SDHB: variants seen among roughly 807,000 people sequenced by gnomAD.
SDHB encodes the protein succinate dehydrogenase [ubiquinone] iron-sulfur subunit, mitochondrial.
A neutral mutation model predicts 39.7 loss-of-function variants in SDHB; 21 were observed. That is an observed-to-expected ratio of 0.53 (90% CI 0.37 to 0.76). The LOEUF is 0.76. Among genes scored for constraint, SDHB ranks in the 30% least tolerant of loss-of-function variants. The probability of loss-of-function intolerance (pLI) is 0.00; values close to 1 mark genes in which losing one functional copy is unlikely to be tolerated. For missense variants in SDHB, 343 were observed against 350.9 expected (o/e 0.98, Z 0.18); for synonymous variants, 118 against 117.0 (o/e 1.01, Z -0.06).
In SDHB at chr1:17,033,043, A is replaced by G. The variant is rs928500474; in HGVS notation, c.286+17T>C. ...AGACCACAAGTATCTGGAGCCCAAC[A>G]GGAATGAAATGCTCACCTTCTCTGC... is the stretch of plus-strand genomic sequence containing the variant. On this transcript the variant is annotated intron_variant, in intron 3 of 7. Transcript: ENST00000375499. The G allele has an allele frequency of 6.2e-7, 1 of 1,600,270 alleles. No homozygotes were observed. The highest frequency in any genetic ancestry group is 8.6e-7 in the Non-Finnish European group (1 of 1,167,486).
Position 17,018,738 on chromosome 1 carries a change from A to G in SDHB, c.*143T>C, listed in dbSNP as rs201524374. 14 of 660,544 alleles carry G rather than the reference A, an allele frequency of 2.1e-5. No individual in the cohort carries two copies. The highest frequency in any genetic ancestry group is 9.2e-5 in the African/African-American group (5 of 54,126). 40.9% of individuals were successfully genotyped at this position (660,544 alleles called of 1,614,324 possible). On this transcript the variant is annotated 3_prime_UTR_variant, in exon 8 of 8. Coordinates refer to ENST00000375499, the MANE Select transcript of SDHB (RefSeq NM_003000.3). ...AACAGGTTCTTTTTTTTTTGTTAAT[A>G]AAGTAGAATAACATTTATTTCTTAA...
intron 2 of SDHB, among the ~76,000 whole-genome samples, chr1:17,035,083 AT>A (rs2078043921): frequency 6.6e-6 from 1 of 152,112 alleles, no homozygotes; most frequent in Admixed American, 6.6e-5. Context: ...CTTATATATT[AT>A]ATCTGTTGCC....
At chr1:17,027,610 T>G (rs2077998221) in intron 5 of SDHB, 139 bp downstream of exon 5, 6 of 730,628 alleles carry the variant, frequency 8.2e-6, no homozygotes, top group Non-Finnish European at 1.5e-5. Flanking sequence ...AGAGGATGAG[T>G]GCCCCACCCT....
rs143394198 is a variant in SDHB at position 17,042,954 on chromosome 1, G to GTTTTTTTTTTTTTTTTTTTT, written c.200+1787_200+1806dup. On this transcript the variant is annotated intron_variant, in intron 2 of 7. Transcript: ENST00000375499. ...AGCAGTAGGGTTTTTTGTTTTATGA[G>GTTTTTTTTTTTTTTTTTTTT]TTTTTTTTTTTTTTTTTTTTTTTTT... 5.4e-4 allele frequency among the ~76,000 whole-genome samples: 34 copies of GTTTTTTTTTTTTTTTTTTTT among 62,892 alleles called. 3 individuals are homozygous for GTTTTTTTTTTTTTTTTTTTT. The highest frequency in any genetic ancestry group is 7.6e-4 in the South Asian group (1 of 1,316). The allele number at this position is 62,892 out of a possible 152,430, so 41.3% of individuals were successfully genotyped here.
At chr1:17,053,855 C>G in intron 1 of SDHB, 93 bp downstream of exon 1, 2 of 927,622 alleles carry the variant, frequency 2.2e-6, no homozygotes, top group Non-Finnish European at 3.5e-6. Context: ...GAGGCCTTGC[C>G]CTATGCTTCC....
chr1:17,022,242 C>A (rs764603994), intron 7 of SDHB, among the ~76,000 whole-genome samples: 3 of 152,192 alleles, frequency 2.0e-5, no homozygotes, highest in Admixed American at 6.5e-5. Context: ...CAGCTGACAT[C>A]GCGAGAAAGA....
At chr1:17,030,653 C>A (rs937020404) in intron 3 of SDHB, among the ~76,000 whole-genome samples, 2 of 151,824 alleles carry the variant, frequency 1.3e-5, no homozygotes, top group African/African-American at 2.4e-5. Context: ...GTCAGAGAAA[C>A]CTGATTGCTT....
rs548816639 is a variant in SDHB, at chr1:17,022,870, G to C, written c.643-140C>G. ...CTCATCTCCATACTCTTTAATTCTT[G>C]TCCATCTTTCAAGGAAAGGTTCCCA... On this transcript the variant is annotated intron_variant, in intron 6 of 7. Transcript: ENST00000375499. 2.0e-5 allele frequency: 22 copies of C among 1,086,142 alleles called. No individual in the cohort carries two copies. The East Asian group carries it at 5.4e-4, about 27-fold the overall frequency. 67.3% of individuals were successfully genotyped at this position (1,086,142 alleles called of 1,614,324 possible).
chr1:17,041,554 C>T (rs998107634), intron 2 of SDHB, among the ~76,000 whole-genome samples: 10 of 151,740 alleles, frequency 6.6e-5, no homozygotes, highest in African/African-American at 2.2e-4. Context: ...CCCAGCTACT[C>T]AGGAGGCTGA....
chr1:17,028,866 G>A, intron 3 of SDHB, 130 bp from the exon 4 acceptor site: 1 of 1,119,166 alleles, frequency 8.9e-7, no homozygotes, highest in Non-Finnish European at 1.3e-6. Context: ...CTCTGACAGA[G>A]GTGCCTGTTG....
chr1:17,038,047 G>A (rs1195629919), intron 2 of SDHB, among the ~76,000 whole-genome samples: 1 of 152,158 alleles, frequency 6.6e-6, no homozygotes, highest in Admixed American at 6.6e-5. Context: ...GCTGAGACAG[G>A]AGAATTGCTT....
At chr1:17,041,576 C>T (rs889767386) in intron 2 of SDHB, among the ~76,000 whole-genome samples, 75 of 152,130 alleles carry the variant, frequency 4.9e-4, no homozygotes, top group African/African-American at 1.7e-3. Context: ...GCAAGGGAAT[C>T]GCTTGAACCC....
chr1:17,027,540 G>T (rs2077997913), intron 5 of SDHB: 5 of 576,920 alleles, frequency 8.7e-6, no homozygotes, highest in South Asian at 7.5e-5. Context: ...GGGGCACAGG[G>T]CTCTAGCTCC....
chr1:17,047,503 C>T (rs948689598), intron 1 of SDHB, among the ~76,000 whole-genome samples: 1 of 151,520 alleles, frequency 6.6e-6, no homozygotes, highest in Non-Finnish European at 1.5e-5. Flanking sequence ...ATGGTGAAAC[C>T]CCGTCCCTAC....
chr1:17,024,318 A>G (rs1439553279), intron 5 of SDHB, among the ~76,000 whole-genome samples: 2 of 152,230 alleles, frequency 1.3e-5, no homozygotes, highest in Non-Finnish European at 2.9e-5. Flanking sequence ...TCCCTTTAAT[A>G]AACAAGAACC....
intron 3 of SDHB, among the ~76,000 whole-genome samples, chr1:17,029,271 A>G (rs2078010059): frequency 6.6e-6 from 1 of 151,298 alleles, no homozygotes; most frequent in African/African-American, 2.4e-5. Context: ...ACACCCAGCT[A>G]ATTTTCTGGT....
At chr1:17,052,766 A>G (rs1447672734) in intron 1 of SDHB, among the ~76,000 whole-genome samples, 4 of 152,224 alleles carry the variant, frequency 2.6e-5, no homozygotes. Flanking sequence ...GAACATGGGC[A>G]ATATGTACTG....
At chr1:17,043,557 G>A (rs1294694764) in intron 2 of SDHB, among the ~76,000 whole-genome samples, 1 of 152,182 alleles carries the variant, frequency 6.6e-6, no homozygotes, top group African/African-American at 2.4e-5. Context: ...ACATAAAACA[G>A]ATCAGAGAAC....
intron 3 of SDHB, among the ~76,000 whole-genome samples, chr1:17,029,084 A>AAT (rs1200172380): frequency 6.8e-6 from 1 of 146,006 alleles, no homozygotes; most frequent in Admixed American, 7.1e-5. Flanking sequence ...TTTGAAGAAA[A>AAT]ATCAGCCTGT....
Sources: allele counts gnomAD v4.1 joint callset (sites outside exome capture counted in the v4.1 genomes callset), GRCh38; gene constraint gnomAD v4.1.1; transcripts MANE v1.5; gene names NCBI Gene and HGNC (gene_info 2026-07-23, HGNC 2026-07-21).